FIRRM: variants seen among roughly 807,000 people sequenced by gnomAD.
FIRRM encodes FIGNL1-interacting regulator of recombination and mitosis.
the FIRRM span, among the ~76,000 whole-genome samples, chr1:169,794,128 G>C: frequency 6.6e-6 from 1 of 151,862 alleles, no homozygotes; most frequent in Non-Finnish European, 1.5e-5. Flanking sequence ...ACAAACAGAA[G>C]AACAACAGCA....
chr1:169,800,825 G>C, the FIRRM span: 1 of 764,742 alleles, frequency 1.3e-6, no homozygotes, highest in Non-Finnish European at 2.2e-6. Flanking sequence ...ATAAAGGGCA[G>C]TGGCCTTTGT....
the FIRRM span, chr1:169,830,576 C>T: frequency 6.1e-6 from 6 of 980,154 alleles, 1 homozygote; most frequent in Middle Eastern, 1.4e-3. Flanking sequence ...ATTATTTGGT[C>T]ATGGAAATAA....
the FIRRM span, chr1:169,802,499 T>C: frequency 1.7e-6 from 1 of 592,204 alleles, no homozygotes; most frequent in Non-Finnish European, 3.0e-6. Flanking sequence ...AGCTAGATGA[T>C]AGCCTGTGGA....
chr1:169,803,334 T>G, the FIRRM span: 1 of 1,610,118 alleles, frequency 6.2e-7, no homozygotes, highest in South Asian at 1.1e-5. Flanking sequence ...AATTATACTT[T>G]GAATGGTATA....
the FIRRM span, chr1:169,851,972 A>G: frequency 6.2e-6 from 10 of 1,613,774 alleles, no homozygotes; most frequent in South Asian, 1.1e-5. Flanking sequence ...AAACTTTAAC[A>G]AGGCAAATTC....
At chr1:169,800,709 TTC>T in the FIRRM span, among the ~76,000 whole-genome samples, 1,360 of 90,054 alleles carry the variant, frequency 0.015, 22 homozygotes, top group African/African-American at 0.074. Context: ...GTCGTTTCCT[TTC>T]TCTCTTTTTT....
chr1:169,788,287 C>T, the FIRRM span, among the ~76,000 whole-genome samples: 173 of 152,302 alleles, frequency 1.1e-3, no homozygotes, highest in African/African-American at 3.9e-3. Context: ...TCCTCTTCCT[C>T]CTACTCCTCA....
chr1:169,805,193 A>G, the FIRRM span, among the ~76,000 whole-genome samples: 2,782 of 152,292 alleles, frequency 0.018, 89 homozygotes, highest in African/African-American at 0.063. Context: ...TTTATTCACT[A>G]TTTATTTATT....
At chr1:169,804,066 C>T in the FIRRM span, 166 of 1,435,492 alleles carry the variant, frequency 1.2e-4, no homozygotes, top group African/African-American at 1.0e-3. Flanking sequence ...TTTATTTATC[C>T]GTAATCAGAA....
the FIRRM span, chr1:169,851,048 T>C: frequency 3.2e-4 from 16 of 49,286 alleles, 1 homozygote; most frequent in African/African-American, 1.4e-3. Context: ...CAGGGCCCTT[T>C]TTTTTTTTTT....
At chr1:169,812,300 T>C in the FIRRM span, among the ~76,000 whole-genome samples, 3 of 152,322 alleles carry the variant, frequency 2.0e-5, no homozygotes, top group Admixed American at 1.3e-4. Flanking sequence ...ACTTATTCTG[T>C]GCCAGGAAAT....
chr1:169,818,592 G>C, the FIRRM span, among the ~76,000 whole-genome samples: 2 of 152,096 alleles, frequency 1.3e-5, no homozygotes, highest in Non-Finnish European at 2.9e-5. Context: ...TTTTAAACCA[G>C]TTATCAAGCT....
chr1:169,849,640 A>G, the FIRRM span: 1 of 1,460,608 alleles, frequency 6.8e-7, no homozygotes, highest in Non-Finnish European at 9.6e-7. Flanking sequence ...GTGACTTTCA[A>G]ACCATTTTAA....
the FIRRM span, chr1:169,807,815 A>G: frequency 6.2e-7 from 1 of 1,602,944 alleles, no homozygotes; most frequent in Non-Finnish European, 8.5e-7. Context: ...ACCAGTCCAT[A>G]ATAAAAAGCC....
At chr1:169,810,997 C>T in the FIRRM span, among the ~76,000 whole-genome samples, 1 of 151,298 alleles carries the variant, frequency 6.6e-6, no homozygotes, top group Non-Finnish European at 1.5e-5. Context: ...GTAGCTGGGA[C>T]TACAGGCGCC....
the FIRRM span, among the ~76,000 whole-genome samples, chr1:169,835,315 C>T: frequency 2.0e-5 from 3 of 152,088 alleles, no homozygotes; most frequent in African/African-American, 4.8e-5. Flanking sequence ...ATTTACTGTT[C>T]TAATAGGAGT....
At chr1:169,785,424 A>G in the FIRRM span, among the ~76,000 whole-genome samples, 3 of 152,356 alleles carry the variant, frequency 2.0e-5, no homozygotes, top group South Asian at 4.1e-4. Flanking sequence ...ATCAGGTTAC[A>G]CATGGACTTG....
the FIRRM span, among the ~76,000 whole-genome samples, chr1:169,784,670 C>T: frequency 3.3e-5 from 5 of 152,284 alleles, no homozygotes; most frequent in African/African-American, 1.2e-4. Context: ...TAAATTAAAT[C>T]TGACAAAGTC....
At chr1:169,830,198 A>T in the FIRRM span, 2 of 1,348,352 alleles carry the variant, frequency 1.5e-6, no homozygotes. Flanking sequence ...GAGAAATATA[A>T]TATTATTGCT....
Sources: allele counts gnomAD v4.1 joint callset (sites outside exome capture counted in the v4.1 genomes callset), GRCh38; gene constraint gnomAD v4.1.1; transcripts MANE v1.5; gene names NCBI Gene and HGNC (gene_info 2026-07-23, HGNC 2026-07-21).